The following TMEM40 variants were observed in gnomAD, a reference collection of about 807,000 sequenced individuals.
TMEM40 encodes transmembrane protein 40.
In TMEM40, 34 loss-of-function variants were observed where a neutral mutation model predicts 40.8. The ratio of observed to expected loss-of-function variants is 0.83; its 90% CI spans 0.63 to 1.11. The LOEUF (loss-of-function observed/expected upper bound fraction) is 1.11, where lower values mean the gene tolerates loss of function less well. TMEM40 is among the 50% of genes least tolerant of loss of function. The probability of loss-of-function intolerance (pLI) is 0.00; values close to 1 mark genes in which losing one functional copy is unlikely to be tolerated. For synonymous variants in TMEM40, 106 were observed against 107.0 expected (o/e 0.99, Z 0.06); for missense variants, 296 against 280.2 (o/e 1.06, Z -0.40).
chr3:12,754,266 C>T (rs1393897701), intron 1 of TMEM40, among the ~76,000 whole-genome samples: 2 of 152,048 alleles, frequency 1.3e-5, no homozygotes, highest in African/African-American at 2.4e-5. Flanking sequence ...GAGCCGAGAC[C>T]GCACCACTGC....
chr3:12,749,310 C>T (rs538330346), intron 2 of TMEM40, among the ~76,000 whole-genome samples: 7 of 152,328 alleles, frequency 4.6e-5, no homozygotes, highest in South Asian at 4.1e-4. Context: ...AGGCGTGAGC[C>T]GCCGCGCCCG....
intron 1 of TMEM40, among the ~76,000 whole-genome samples, chr3:12,753,658 C>T (rs2061496240): frequency 6.6e-6 from 1 of 152,148 alleles, no homozygotes. Flanking sequence ...GCCCCAGCTG[C>T]CCCCTGGTTA....
rs1372544367 is a variant in TMEM40 at position 12,733,755 on chromosome 3, T to G, written c.*1019A>C. ...GTTAATAACAATGTATTGTATACTT[T>G]GCAAATTGCTGACAGTAGGTTTTTA... On this transcript the variant is annotated 3_prime_UTR_variant, in exon 12 of 12. Coordinates refer to ENST00000314124, the MANE Select transcript of TMEM40 (RefSeq NM_018306.4). 1 of 152,134 alleles carries G rather than the reference T, an allele frequency of 6.6e-6. No homozygotes were observed. The highest frequency in any genetic ancestry group is 2.4e-5 in the African/African-American group (1 of 41,422). The allele number at this position is 152,134 out of a possible 1,614,324, so 9.4% of individuals were successfully genotyped here. A position where few individuals can be genotyped will look rare whatever the true frequency, so the allele number is the denominator to read the frequency against.
At chr3:12,767,329 G>A (rs1487259759) in intron 1 of TMEM40, among the ~76,000 whole-genome samples, 2 of 152,034 alleles carry the variant, frequency 1.3e-5, no homozygotes, top group Non-Finnish European at 2.9e-5. Context: ...GACAGCAGGG[G>A]GGAAAAGGCT....
At chr3:12,755,213 T>TCTCTCTCTCTC (rs1233789779) in intron 1 of TMEM40, among the ~76,000 whole-genome samples, 2 of 94,260 alleles carry the variant, frequency 2.1e-5, no homozygotes, top group African/African-American at 8.7e-5. Context: ...CTTTCTTTCT[T>TCTCTCTCTCTC]TCTCTCTCTC....
intron 3 of TMEM40, among the ~76,000 whole-genome samples, chr3:12,747,538 C>G (rs898562899): frequency 2.6e-5 from 4 of 152,140 alleles, no homozygotes; most frequent in Non-Finnish European, 5.9e-5. Context: ...AATTCAGCCT[C>G]ATATTTTGAA....
At chr3:12,755,642 T>G (rs1035082864) in intron 1 of TMEM40, among the ~76,000 whole-genome samples, 1 of 152,146 alleles carries the variant, frequency 6.6e-6, no homozygotes, top group Admixed American at 6.5e-5. Flanking sequence ...TTCTATGTAG[T>G]TTTTAACTAA....
At chr3:12,769,048 T>C (rs2106626088) in intron 1 of TMEM40, among the ~76,000 whole-genome samples, 1 of 152,000 alleles carries the variant, frequency 6.6e-6, no homozygotes. Flanking sequence ...AGAAATCGAG[T>C]GCAGCGCCAG....
intron 2 of TMEM40, among the ~76,000 whole-genome samples, chr3:12,749,113 C>T (rs1575738757): frequency 6.6e-6 from 1 of 152,154 alleles, no homozygotes; most frequent in East Asian, 1.9e-4. Context: ...CAAGCTCTGC[C>T]TCTCGGGTTC....
At chr3:12,765,728 C>T (rs1408426561) in intron 1 of TMEM40, among the ~76,000 whole-genome samples, 1 of 151,920 alleles carries the variant, frequency 6.6e-6, no homozygotes, top group African/African-American at 2.4e-5. Flanking sequence ...TGCCACCACG[C>T]CCAGCTAATT....
upstream of TMEM40, among the ~76,000 whole-genome samples, chr3:12,763,001 A>G (rs1315985428): frequency 6.6e-6 from 1 of 152,038 alleles, no homozygotes; most frequent in Non-Finnish European, 1.5e-5. Flanking sequence ...TCTACTAAAA[A>G]TACAAAAAAT....
chr3:12,738,880 C>T lies in TMEM40; in HGVS notation c.356-292G>A, dbSNP rs527541482. ...CAATTATGAAAAAGTTTGGGCCGCA[C>T]GCGGTGGCTCATGCCTGTAATACCA... On this transcript the variant is annotated intron_variant, in intron 5 of 11. Transcript: ENST00000314124. 5.0e-5 allele frequency: 19 copies of T among 379,112 alleles called. No homozygotes were observed. In the East Asian group the frequency reaches 6.8e-4, roughly 13 times the overall value. The allele number at this position is 379,112 out of a possible 1,614,324, so 23.5% of individuals were successfully genotyped here. A position where few individuals can be genotyped will look rare whatever the true frequency, so the allele number is the denominator to read the frequency against.
At chr3:12,743,148 C>T (rs2061396450) in intron 4 of TMEM40, among the ~76,000 whole-genome samples, 1 of 152,114 alleles carries the variant, frequency 6.6e-6, no homozygotes, top group African/African-American at 2.4e-5. Context: ...ATTTCTTTTG[C>T]AAAAATTATT....
At chr3:12,734,924 A>C in intron 11 of TMEM40, 131 bp from the exon 12 acceptor site, 25 of 965,818 alleles carry the variant, frequency 2.6e-5, no homozygotes, top group Non-Finnish European at 3.0e-5. Context: ...CATGGGTCTC[A>C]ATGAACCACA....
intron 3 of TMEM40, among the ~76,000 whole-genome samples, chr3:12,747,307 C>T (rs192334517): frequency 2.6e-5 from 4 of 152,146 alleles, no homozygotes; most frequent in Admixed American, 2.6e-4. Context: ...CCTCCCGGAT[C>T]CCACAAAGAC....
intron 1 of TMEM40, among the ~76,000 whole-genome samples, chr3:12,767,568 G>A (rs1006534133): frequency 1.1e-4 from 17 of 152,174 alleles, no homozygotes; most frequent in Non-Finnish European, 2.1e-4. Context: ...CATCAGATGG[G>A]AGTTTATCTG....
At chr3:12,737,791 T>C in intron 7 of TMEM40, 37 bp from the exon 8 acceptor site, 2 of 1,596,752 alleles carry the variant, frequency 1.3e-6, no homozygotes, top group East Asian at 4.5e-5. Flanking sequence ...TTAACTTTGA[T>C]GCAGGACGGG....
intron 4 of TMEM40, among the ~76,000 whole-genome samples, chr3:12,743,424 G>A (rs1175978181): frequency 6.6e-6 from 1 of 152,060 alleles, no homozygotes; most frequent in Admixed American, 6.6e-5. Flanking sequence ...CTGAGATCAC[G>A]CCATTGCACT....
intron 3 of TMEM40, among the ~76,000 whole-genome samples, chr3:12,744,780 A>C (rs1013846847): frequency 2.2e-4 from 34 of 152,312 alleles, no homozygotes; most frequent in African/African-American, 7.9e-4. Context: ...GGGACCTCCC[A>C]GTCAGTCATG....
Sources: gnomAD v4.1 joint callset for allele counts (sites outside exome capture counted in the v4.1 genomes callset) on GRCh38, gnomAD v4.1.1 for gene constraint, MANE v1.5 for transcripts, NCBI Gene and HGNC (gene_info 2026-07-23, HGNC 2026-07-21) for gene names.